Variants in TAS2R1 observed in about 807,000 individuals in gnomAD.
TAS2R1 encodes taste 2 receptor member 1.
For missense variants in TAS2R1, 370 were observed against 353.4 expected, an observed-to-expected ratio of 1.05 and a Z score of -0.38; for synonymous variants, 141 against 134.2, an observed-to-expected ratio of 1.05 and a Z score of -0.35.
At chr5:9,827,758 G>T in the TAS2R1 span, among the ~76,000 whole-genome samples, 67 of 152,040 alleles carry the variant, frequency 4.4e-4, no homozygotes, top group African/African-American at 1.6e-3. Context: ...ATTCCAGCCT[G>T]GGTGACAGAG....
the TAS2R1 span, among the ~76,000 whole-genome samples, chr5:9,896,235 G>C: frequency 6.6e-6 from 1 of 152,188 alleles, no homozygotes; most frequent in Non-Finnish European, 1.5e-5. Context: ...GAATCTTACA[G>C]AACTGGTTGG....
At chr5:9,689,129 C>G (rs1406389709) in intron 1 of TAS2R1, among the ~76,000 whole-genome samples, 2 of 152,164 alleles carry the variant, frequency 1.3e-5, no homozygotes, top group African/African-American at 4.8e-5. Context: ...TGACTTTTAT[C>G]AACTCTATGG....
At chr5:9,692,366 T>G (rs1361914993) in intron 1 of TAS2R1, among the ~76,000 whole-genome samples, 1 of 152,194 alleles carries the variant, frequency 6.6e-6, no homozygotes, top group Non-Finnish European at 1.5e-5. Context: ...TTCAACCATG[T>G]GCTACACAAT....
chr5:9,767,059 C>T, the TAS2R1 span, among the ~76,000 whole-genome samples: 3 of 152,160 alleles, frequency 2.0e-5, no homozygotes, highest in African/African-American at 7.2e-5. Context: ...ATGGCCTCTC[C>T]AGAGCTTCAG....
At chr5:9,780,703 G>GCA in the TAS2R1 span, among the ~76,000 whole-genome samples, 1 of 152,128 alleles carries the variant, frequency 6.6e-6, no homozygotes, top group East Asian at 1.9e-4. Context: ...GCGCGCGCGC[G>GCA]CATGCACGCA....
intron 1 of TAS2R1, among the ~76,000 whole-genome samples, chr5:9,667,487 T>A (rs1014907684): frequency 6.6e-6 from 1 of 152,222 alleles, no homozygotes; most frequent in African/African-American, 2.4e-5. Context: ...CACTTTTGTC[T>A]GAATTCTGCA....
the TAS2R1 span, among the ~76,000 whole-genome samples, chr5:9,812,714 G>A: frequency 2.8e-4 from 42 of 152,182 alleles, 1 homozygote; most frequent in Middle Eastern, 3.4e-3. Context: ...CAGTCACCAC[G>A]GTAGGCGCTG....
the TAS2R1 span, among the ~76,000 whole-genome samples, chr5:9,823,430 C>G: frequency 2.0e-5 from 3 of 150,114 alleles, no homozygotes; most frequent in East Asian, 5.9e-4. Flanking sequence ...TGTCATCCAC[C>G]TCCAGACAGG....
chr5:9,851,109 G>C, the TAS2R1 span, among the ~76,000 whole-genome samples: 8,901 of 152,208 alleles, frequency 0.058, 626 homozygotes, highest in East Asian at 0.23. Context: ...GCTGGATAAA[G>C]GCAGTTCTCT....
intron 1 of TAS2R1, among the ~76,000 whole-genome samples, chr5:9,672,936 C>T (rs184730562): frequency 6.6e-6 from 1 of 152,294 alleles, no homozygotes; most frequent in East Asian, 1.9e-4. Flanking sequence ...AAAGGTAGTA[C>T]ATATACACCA....
At chr5:9,838,241 T>C in the TAS2R1 span, among the ~76,000 whole-genome samples, 1 of 152,286 alleles carries the variant, frequency 6.6e-6, no homozygotes, top group African/African-American at 2.4e-5. Context: ...AATCTTTTGG[T>C]GCTCTGCTGT....
upstream of TAS2R1, among the ~76,000 whole-genome samples, chr5:9,716,745 T>C (rs1016021648): frequency 1.3e-5 from 2 of 152,140 alleles, no homozygotes; most frequent in African/African-American, 4.8e-5. Flanking sequence ...GCATAAGTCT[T>C]TCTCTGAAGG....
chr5:9,754,055 C>T, the TAS2R1 span, among the ~76,000 whole-genome samples: 2 of 152,112 alleles, frequency 1.3e-5, no homozygotes, highest in African/African-American at 4.8e-5. Flanking sequence ...AAAGCTTATC[C>T]ACCATGATCA....
chr5:9,874,669 C>T, the TAS2R1 span, among the ~76,000 whole-genome samples: 12 of 152,188 alleles, frequency 7.9e-5, no homozygotes, highest in African/African-American at 2.6e-4. Context: ...GGTGTGAATC[C>T]CCGCGCTACA....
At chr5:9,672,476 A>G (rs1740787683) in intron 1 of TAS2R1, among the ~76,000 whole-genome samples, 2 of 152,308 alleles carry the variant, frequency 1.3e-5, no homozygotes, top group South Asian at 4.1e-4. Context: ...GGGCAAGGAC[A>G]TAAACAGACA....
At chr5:9,771,075 C>A in the TAS2R1 span, among the ~76,000 whole-genome samples, 3 of 152,136 alleles carry the variant, frequency 2.0e-5, no homozygotes, top group Non-Finnish European at 1.5e-5. Context: ...TGTTCTTCTA[C>A]ATCCAATTTT....
chr5:9,706,459 A>G (rs1186163631), intron 1 of TAS2R1, among the ~76,000 whole-genome samples: 8 of 152,242 alleles, frequency 5.3e-5, no homozygotes. Flanking sequence ...AGCGTCATTC[A>G]TGGTTCCAGG....
At chr5:9,901,563 T>A in the TAS2R1 span, among the ~76,000 whole-genome samples, 1 of 152,098 alleles carries the variant, frequency 6.6e-6, no homozygotes, top group Non-Finnish European at 1.5e-5. Flanking sequence ...CTGGGTATAA[T>A]AGGGGCCTTT....
chr5:9,903,868 A>G, the TAS2R1 span: 11 of 152,178 alleles, frequency 7.2e-5, 1 homozygote, highest in African/African-American at 2.2e-4. Flanking sequence ...AGATGGGAGT[A>G]TGGTTCCTAG....
Sources: gnomAD v4.1 joint callset for allele counts (sites outside exome capture counted in the v4.1 genomes callset) on GRCh38, gnomAD v4.1.1 for gene constraint, MANE v1.5 for transcripts, NCBI Gene and HGNC (gene_info 2026-07-23, HGNC 2026-07-21) for gene names.